The following COMT variants were observed in gnomAD, a reference collection of about 807,000 sequenced individuals.
COMT encodes the protein catechol-O-methyltransferase, also known as catechol O-methyltransferase.
In COMT, 13 loss-of-function variants were observed where a neutral mutation model predicts 18.9. That is an observed-to-expected ratio of 0.69 (90% CI 0.45 to 1.09). The LOEUF (loss-of-function observed/expected upper bound fraction) is 1.09, where lower values mean the gene tolerates loss of function less well. Among genes scored for constraint, COMT ranks in the 50% least tolerant of loss-of-function variants. The pLI is 0.00. For synonymous variants in COMT, 150 were observed against 160.9 expected (o/e 0.93, Z 0.51); for missense variants, 329 against 361.8 (o/e 0.91, Z 0.73).
intron 1 of COMT, among the ~76,000 whole-genome samples, chr22:19,956,120 CTTT>C (rs66578812): frequency 1.5e-5 from 2 of 131,254 alleles, no homozygotes; most frequent in Admixed American, 8.1e-5. Context: ...ATCTTTCTTT[CTTT>C]TTTTTCTTTT....
intron 5 of COMT, among the ~76,000 whole-genome samples, chr22:19,966,292 T>C (rs1942384357): frequency 6.6e-6 from 1 of 151,972 alleles, no homozygotes; most frequent in Non-Finnish European, 1.5e-5. Flanking sequence ...GTGGGTTCTG[T>C]GAGCATCGGA....
Position 19,962,644 on chromosome 22 carries a change from G to A in COMT, c.118G>A (p.Glu40Lys), listed in dbSNP as rs984098043. ...GGGCCTGTGCCTTATCGGCTGGAAC[G>A]AGTTCATCCTGCAGCCCATCCACAA... ...GWGLCLIGWN[E>K]FILQPIHNLL... Residue 40 changes from glutamate to lysine, a missense_variant, in exon 3 of 6, where the codon GAG becomes AAG. Transcript: ENST00000361682. 5 of 1,605,948 alleles carry A rather than the reference G, an allele frequency of 3.1e-6. No individual in the cohort carries two copies. Among genetic ancestry groups the A allele is most frequent in the African/African-American group, 1.3e-5 (1 of 74,746 alleles).
chr22:19,952,494 G>A (rs1941963055), intron 1 of COMT, among the ~76,000 whole-genome samples: 1 of 151,834 alleles, frequency 6.6e-6, no homozygotes, highest in African/African-American at 2.4e-5. Context: ...AAAAAAGTTA[G>A]CCGGGCGTGG....
At chr22:19,964,666 C>T in intron 5 of COMT, 2 of 581,228 alleles carry the variant, frequency 3.4e-6, no homozygotes, top group South Asian at 2.0e-5. Context: ...AGCCTGCTCT[C>T]CCCCAAGCAA....
chr22:19,964,367 C>G, intron 5 of COMT, 68 bp downstream of exon 5: 1 of 1,609,350 alleles, frequency 6.2e-7, no homozygotes, highest in African/African-American at 1.3e-5. Context: ...GCCTCAGCCT[C>G]TCCAAAGAGC....
At chr22:19,961,499 CCT>C (rs144143786) in intron 2 of COMT, among the ~76,000 whole-genome samples, 189 of 152,312 alleles carry the variant, frequency 1.2e-3, no homozygotes, top group African/African-American at 3.9e-3. Context: ...CCTCTGGTGC[CCT>C]GAGGCTGGCC....
At chr22:19,949,312 G>T (rs977896750) in intron 1 of COMT, among the ~76,000 whole-genome samples, 7 of 151,966 alleles carry the variant, frequency 4.6e-5, no homozygotes, top group African/African-American at 1.7e-4. Context: ...AATAATTTTT[G>T]AGTTTTTTTA....
intron 1 of COMT, among the ~76,000 whole-genome samples, chr22:19,952,988 AT>A (rs1941980620): frequency 3.4e-5 from 2 of 59,420 alleles, no homozygotes; most frequent in African/African-American, 9.6e-5. Flanking sequence ...AAATAAATAA[AT>A]AAATAAATAA....
rs774694408 is a variant in COMT at position 19,967,166 on chromosome 22, G to A, written c.616-1370G>A. On this transcript the variant is annotated intron_variant, in intron 5 of 5. Transcript: ENST00000361682. ...TCTTTCCTGTTTAACTCGTGCAGGT[G>A]CAGTGGTCTGGTGTCTTTCAGTCCG... 75 of 1,303,846 alleles carry A rather than the reference G, an allele frequency of 5.8e-5. No individual in the cohort carries two copies. In the African/African-American group the frequency reaches 8.4e-4, roughly 15 times the overall value. 80.8% of individuals were successfully genotyped at this position (1,303,846 alleles called of 1,614,324 possible). A position where few individuals can be genotyped will look rare whatever the true frequency, so the allele number is the denominator to read the frequency against.
chr22:19,947,191 C>T (rs570899319), intron 1 of COMT, among the ~76,000 whole-genome samples: 1 of 152,174 alleles, frequency 6.6e-6, no homozygotes, highest in African/African-American at 2.4e-5. Context: ...GTTGGGATTA[C>T]AGGCGTGAGT....
intron 5 of COMT, chr22:19,967,816 G>T: frequency 4.5e-6 from 1 of 223,584 alleles, no homozygotes; most frequent in Non-Finnish European, 9.0e-6. Flanking sequence ...AAGGTTTCTT[G>T]TTTATGTGAT....
intron 1 of COMT, among the ~76,000 whole-genome samples, chr22:19,958,166 A>ATTT (rs361708): frequency 7.2e-6 from 1 of 139,322 alleles, no homozygotes; most frequent in Admixed American, 7.2e-5. Flanking sequence ...AGCATGTTTA[A>ATTT]TTTTTTTTTT....
chr22:19,956,137 C>CTTTTTTTTTTTTTTTTTTTTTTT (rs71186638), intron 1 of COMT, among the ~76,000 whole-genome samples: 1 of 84,816 alleles, frequency 1.2e-5, no homozygotes, highest in Non-Finnish European at 2.1e-5. Flanking sequence ...TTCTTTTTTT[C>CTTTTTTTTTTTTTTTTTTTTTTT]TTTTTTTTTT....
At chr22:19,943,007 C>CACAAG (rs1941769037) in intron 1 of COMT, among the ~76,000 whole-genome samples, 1 of 152,192 alleles carries the variant, frequency 6.6e-6, no homozygotes, top group Non-Finnish European at 1.5e-5. Flanking sequence ...TTGTGGCAGC[C>CACAAG]TTGAACTTCT....
rs1231223433 is a variant in COMT at position 19,962,949 on chromosome 22, G to C, written c.289+134G>C. 21 of 1,192,066 alleles carry C rather than the reference G, an allele frequency of 1.8e-5. No individual in the cohort carries two copies. In the Admixed American group the frequency reaches 2.2e-4, roughly 13 times the overall value. The allele number at this position is 1,192,066 out of a possible 1,614,324, so 73.8% of individuals were successfully genotyped here. ...CCCTGGGATATGCCCAGATAGGGCT[G>C]GGGGGCTCCTCTGGAGTCCCAGGGT... is the stretch of plus-strand genomic sequence containing the variant. On this transcript the variant is annotated intron_variant, in intron 3 of 5. Transcript: ENST00000361682.
chr22:19,959,029 G>A (rs541134681), intron 1 of COMT, among the ~76,000 whole-genome samples: 1 of 152,216 alleles, frequency 6.6e-6, no homozygotes, highest in African/African-American at 2.4e-5. Flanking sequence ...AAGGTAAGGG[G>A]GGACTCTTGA....
At chr22:19,951,459 G>A (rs1407902217) in intron 1 of COMT, 1 of 151,472 alleles carries the variant, frequency 6.6e-6, no homozygotes, top group Non-Finnish European at 1.5e-5. Flanking sequence ...TGCTGCATCC[G>A]ATATTCTTCC....
chr22:19,963,836 C>T (rs529621431), intron 4 of COMT, 77 bp downstream of exon 4: 23 of 1,497,596 alleles, frequency 1.5e-5, no homozygotes, highest in Middle Eastern at 1.7e-4. Flanking sequence ...ACTTTGTCCT[C>T]CCCACCAGGT....
chr22:19,962,666 A>C lies in COMT; in HGVS notation c.140A>C (p.His47Pro). ...GWNEFILQPI[H>P]NLLMGDTKEQ... ...AACGAGTTCATCCTGCAGCCCATCC[A>C]CAACCTGCTCATGGGTGACACCAAG... The change falls in exon 3 of 6, where the codon CAC (histidine) becomes CCC (proline). Residue 47 changes from histidine (H) to proline (P), a missense_variant. His to Pro is a moderately conservative substitution (Grantham distance 77, BLOSUM62 -2). Transcript: ENST00000361682. The C allele has an allele frequency of 6.2e-7, 1 of 1,612,780 alleles. No individual in the cohort carries two copies. Among genetic ancestry groups the C allele is most frequent in the South Asian group, 1.1e-5 (1 of 90,912 alleles).
Sources: allele counts gnomAD v4.1 joint callset (sites outside exome capture counted in the v4.1 genomes callset), GRCh38; gene constraint gnomAD v4.1.1; transcripts MANE v1.5; gene names NCBI Gene and HGNC (gene_info 2026-07-23, HGNC 2026-07-21).